CNTNAP2: variants seen among roughly 807,000 people sequenced by gnomAD.
The protein encoded by CNTNAP2 is contactin-associated protein-like 2.
A neutral mutation model predicts 155.2 loss-of-function variants in CNTNAP2; 98 were observed. The observed-to-expected ratio is 0.63, with a 90% CI of 0.54 to 0.75. The LOEUF (loss-of-function observed/expected upper bound fraction) is 0.75, where lower values mean the gene tolerates loss of function less well. Ranked by LOEUF, CNTNAP2 falls within the 30% of genes least tolerant of loss-of-function variation. CNTNAP2 has a pLI of 0.00. For synonymous variants in CNTNAP2, 651 were observed against 631.2 expected, an observed-to-expected ratio of 1.03 and a Z score of -0.47; for missense variants, 1,727 against 1,688.1, an observed-to-expected ratio of 1.02 and a Z score of -0.40.
intron 21 of CNTNAP2, among the ~76,000 whole-genome samples, chr7:148,371,793 C>T: frequency 6.6e-6 from 1 of 152,224 alleles, no homozygotes; most frequent in Admixed American, 6.5e-5. Context: ...CAGCCCATTG[C>T]TCCCAGGCTG....
intron 14 of CNTNAP2, among the ~76,000 whole-genome samples, chr7:147,937,284 A>G (rs1424096372): frequency 6.6e-6 from 1 of 152,094 alleles, no homozygotes; most frequent in Non-Finnish European, 1.5e-5. Flanking sequence ...CATATCCTTC[A>G]TGTTTTCTCA....
intron 1 of CNTNAP2, among the ~76,000 whole-genome samples, chr7:146,456,179 G>A (rs1038122387): frequency 1.3e-5 from 2 of 152,154 alleles, no homozygotes; most frequent in Non-Finnish European, 2.9e-5. Flanking sequence ...ATTTTTGGAA[G>A]TTTGTGAATG....
chr7:148,153,639 A>G (rs909444353), intron 17 of CNTNAP2, among the ~76,000 whole-genome samples: 2 of 152,210 alleles, frequency 1.3e-5, no homozygotes, highest in African/African-American at 4.8e-5. Flanking sequence ...GCTCATGGTC[A>G]TTGTCTAAGC....
At chr7:147,909,912 G>T (rs1311053419) in intron 14 of CNTNAP2, among the ~76,000 whole-genome samples, 1 of 95,000 alleles carries the variant, frequency 1.1e-5, no homozygotes, top group Non-Finnish European at 2.7e-5. Context: ...TTAGTCAGCA[G>T]TTCCCACCTC....
intron 1 of CNTNAP2, among the ~76,000 whole-genome samples, chr7:146,334,076 C>T (rs73740442): frequency 0.07 from 10,669 of 152,164 alleles, 1,066 homozygotes; most frequent in African/African-American, 0.22. Context: ...ATTCAGAGAT[C>T]GGCAAAATAA....
intron 13 of CNTNAP2, among the ~76,000 whole-genome samples, chr7:147,765,326 G>A (rs1797366504): frequency 6.6e-6 from 1 of 152,174 alleles, no homozygotes; most frequent in African/African-American, 2.4e-5. Context: ...TGCCCATCTA[G>A]AAGACATTCA....
chr7:147,791,682 G>C (rs1276636661), intron 13 of CNTNAP2, among the ~76,000 whole-genome samples: 1 of 152,124 alleles, frequency 6.6e-6, no homozygotes, highest in Non-Finnish European at 1.5e-5. Context: ...CTCTGCCCCA[G>C]ACATAAATGT....
intron 3 of CNTNAP2, among the ~76,000 whole-genome samples, chr7:146,962,459 C>G (rs1429504752): frequency 6.6e-6 from 1 of 152,216 alleles, no homozygotes; most frequent in East Asian, 1.9e-4. Flanking sequence ...GTAAGGGAGT[C>G]AGCATATTTT....
chr7:147,689,817 TA>T (rs532852365), intron 13 of CNTNAP2, among the ~76,000 whole-genome samples: 2,527 of 150,524 alleles, frequency 0.017, 223 homozygotes, highest in Admixed American at 0.15. Context: ...ACAGAAAGAA[TA>T]AAAAAAAAAT....
Position 146,518,168 on chromosome 7 carries a change from A to G in CNTNAP2, c.98-256103A>G, listed in dbSNP as rs576833179. 1.7e-3 allele frequency among the ~76,000 whole-genome samples: 255 copies of G among 152,058 alleles called. 1 individual carries two copies. The highest frequency in any genetic ancestry group is 5.9e-3 in the African/African-American group (247 of 41,540). ...AATATATGAAAAGCATTCTGTATGC[A>G]GTTCCAATATATATTCAAGTTACCA... On this transcript the variant is annotated intron_variant, in intron 1 of 23. Coordinates refer to ENST00000361727, the MANE Select transcript of CNTNAP2 (RefSeq NM_014141.6).
chr7:147,248,557 A>T (rs868341283), intron 8 of CNTNAP2, among the ~76,000 whole-genome samples: 5 of 152,218 alleles, frequency 3.3e-5, no homozygotes, highest in Middle Eastern at 3.4e-3. Context: ...TTGTGACCAA[A>T]CTCTCTTAAT....
At chr7:147,323,420 A>C (rs1209219096) in intron 9 of CNTNAP2, among the ~76,000 whole-genome samples, 98 of 138,634 alleles carry the variant, frequency 7.1e-4, no homozygotes, top group Non-Finnish European at 9.2e-5. Flanking sequence ...TTCTAGTTTG[A>C]TTGCACTGTG....
chr7:146,817,936 G>T (rs1230315074), intron 2 of CNTNAP2, among the ~76,000 whole-genome samples: 1 of 151,968 alleles, frequency 6.6e-6, no homozygotes, highest in African/African-American at 2.4e-5. Flanking sequence ...CTAGAAATTT[G>T]TTAAAAAAAG....
chr7:147,967,700 T>G (rs1801245596), intron 14 of CNTNAP2, among the ~76,000 whole-genome samples: 1 of 152,180 alleles, frequency 6.6e-6, no homozygotes, highest in Admixed American at 6.5e-5. Flanking sequence ...CAAAGTCTTG[T>G]CCTCAAAGGG....
At chr7:147,564,564 T>G (rs1800129602) in intron 12 of CNTNAP2, among the ~76,000 whole-genome samples, 1 of 152,140 alleles carries the variant, frequency 6.6e-6, no homozygotes, top group South Asian at 2.1e-4. Context: ...ACTGGACAAT[T>G]AAGAATTTAT....
chr7:147,722,092 G>C (rs1185218677), intron 13 of CNTNAP2, among the ~76,000 whole-genome samples: 1 of 152,150 alleles, frequency 6.6e-6, no homozygotes, highest in Admixed American at 6.6e-5. Context: ...TCCACTTTTA[G>C]CTGTTTCTAT....
chr7:147,893,056 G>A (rs1799719118), intron 13 of CNTNAP2, among the ~76,000 whole-genome samples: 1 of 152,082 alleles, frequency 6.6e-6, no homozygotes, highest in African/African-American at 2.4e-5. Flanking sequence ...GACTCCACAG[G>A]ATTTTATCTT....
intron 13 of CNTNAP2, among the ~76,000 whole-genome samples, chr7:147,682,745 GAA>G (rs955728582): frequency 3.3e-5 from 5 of 151,924 alleles, no homozygotes; most frequent in Non-Finnish European, 5.9e-5. Context: ...GCAAAGTGGG[GAA>G]AGATATTCGT....
intron 3 of CNTNAP2, among the ~76,000 whole-genome samples, chr7:146,848,049 TA>T (rs1794795578): frequency 6.6e-6 from 1 of 152,196 alleles, no homozygotes; most frequent in Admixed American, 6.5e-5. Flanking sequence ...AAGTATTAAC[TA>T]AAACAGTTTA....
Sources: allele counts gnomAD v4.1 joint callset (sites outside exome capture counted in the v4.1 genomes callset), GRCh38; gene constraint gnomAD v4.1.1; transcripts MANE v1.5; gene names NCBI Gene and HGNC (gene_info 2026-07-23, HGNC 2026-07-21).